Variants in KIAA1549L observed in about 807,000 individuals in gnomAD.
KIAA1549L encodes KIAA1549 like, also known as UPF0606 protein KIAA1549L.
In KIAA1549L, 88 loss-of-function variants were observed where a neutral mutation model predicts 160.7. That is an observed-to-expected ratio of 0.55 (90% CI 0.46 to 0.65). The LOEUF (loss-of-function observed/expected upper bound fraction) is 0.65, where lower values mean the gene tolerates loss of function less well. Among genes scored for constraint, KIAA1549L ranks in the 30% least tolerant of loss-of-function variants. The pLI is 0.00. For synonymous variants in KIAA1549L, 950 were observed against 976.7 expected, an observed-to-expected ratio of 0.97 and a Z score of 0.51; for missense variants, 2,258 against 2,437.5, an observed-to-expected ratio of 0.93 and a Z score of 1.55.
Position 33,376,834 on chromosome 11 carries a change from G to C in KIAA1549L, c.183G>C (p.Leu61=), listed in dbSNP as rs1849963719. Residue 61 remains leucine, a synonymous_variant, in exon 1 of 21, where the codon CTG becomes CTC. Coordinates refer to ENST00000658780, the MANE Select transcript of KIAA1549L (RefSeq NM_012194.3). The surrounding 1 kb of genome is among the most constrained non-coding windows in gnomAD (Gnocchi z 5.8). ...SHDAPPRPPT[L]LLGLLLLAAL... ...ATGCGCCCCCGCGGCCACCGACGCT[G>C]CTGCTGGGACTTCTGCTGCTGGCGG... 1 of 152,308 alleles carries C rather than the reference G, an allele frequency of 6.6e-6. No individual in the cohort carries two copies. The highest frequency in any genetic ancestry group is 2.4e-5 in the African/African-American group (1 of 41,452). 9.4% of individuals were successfully genotyped at this position (152,308 alleles called of 1,614,324 possible). A position where few individuals can be genotyped will look rare whatever the true frequency, so the allele number is the denominator to read the frequency against.
intron 17 of KIAA1549L, among the ~76,000 whole-genome samples, chr11:33,648,476 T>C (rs956207315): frequency 3.3e-5 from 5 of 150,262 alleles, no homozygotes; most frequent in African/African-American, 1.2e-4. Flanking sequence ...TGGAAATCCA[T>C]AGAAAAGGTG....
chr11:33,582,613 C>G (rs1411045123), intron 10 of KIAA1549L, among the ~76,000 whole-genome samples: 1 of 152,114 alleles, frequency 6.6e-6, no homozygotes, highest in African/African-American at 2.4e-5. Context: ...ATGTATACAC[C>G]CATGTAACCC....
intron 1 of KIAA1549L, among the ~76,000 whole-genome samples, chr11:33,426,879 G>T (rs1388824956): frequency 6.6e-6 from 1 of 152,074 alleles, no homozygotes; most frequent in Non-Finnish European, 1.5e-5. Flanking sequence ...TTATATCTGT[G>T]CTTGATAGAA....
At chr11:33,480,044 TTGTGTG>T (rs368086773) in intron 1 of KIAA1549L, among the ~76,000 whole-genome samples, 2 of 150,090 alleles carry the variant, frequency 1.3e-5, no homozygotes, top group East Asian at 1.9e-4. Context: ...ATATTAATGA[TTGTGTG>T]TGTGTGTGTG....
rs755076995 is a variant in KIAA1549L at position 33,591,429 on chromosome 11, C to T, written c.4751+8C>T. ...CACTGAAACCAGGAAGAGGTAGGCACGGGGCTGACTTCTGCCTCTCTGTGT... is the reference window on the plus strand; with the variant it reads ...CACTGAAACCAGGAAGAGGTAGGCATGGGGCTGACTTCTGCCTCTCTGTGT... On this transcript the variant is annotated splice_region_variant and intron_variant, in intron 12 of 20. Coordinates refer to ENST00000658780, the MANE Select transcript of KIAA1549L (RefSeq NM_012194.3). The T allele has an allele frequency of 3.1e-5, 50 of 1,592,682 alleles. No individual in the cohort carries two copies. The highest frequency in any genetic ancestry group is 1.7e-4 in the Middle Eastern group (1 of 6,014).
intron 4 of KIAA1549L, among the ~76,000 whole-genome samples, chr11:33,549,148 T>C (rs1448271596): frequency 8.0e-6 from 1 of 124,332 alleles, no homozygotes; most frequent in Non-Finnish European, 1.6e-5. Context: ...ACAATGAGTA[T>C]TTTTTTTTTT....
chr11:33,403,292 C>CACATGCAGACAG (rs1565121789), intron 1 of KIAA1549L: 1 of 2,570 alleles, frequency 3.9e-4, no homozygotes, highest in Non-Finnish European at 7.8e-4. Context: ...GACACACACA[C>CACATGCAGACAG]ACACACACGC....
rs372220584 is a variant in KIAA1549L at position 33,542,136 on chromosome 11, C to T, written c.573C>T (p.Ala191=). Residue 191 remains alanine (A), a synonymous_variant, in exon 2 of 21, where the codon GCC becomes GCT. Coordinates refer to ENST00000658780, the MANE Select transcript of KIAA1549L (RefSeq NM_012194.3). Reference sequence around the variant, plus strand: ...GGCCTAAAGGGGGACAAGAAGCAGCCGATGTGTCAGGTTTGCCTCTCACCA... The same window carrying T: ...GGCCTAAAGGGGGACAAGAAGCAGCTGATGTGTCAGGTTTGCCTCTCACCA... The part of the protein sequence containing the change: ...QPGPKGGQEA[A]DVSGLPLTSM... 11 of 551,698 alleles carry T rather than the reference C, an allele frequency of 2.0e-5. No individual in the cohort carries two copies. The highest frequency in any genetic ancestry group is 1.3e-4 in the East Asian group (3 of 22,542). The allele number at this position is 551,698 out of a possible 1,614,324, so 34.2% of individuals were successfully genotyped here. A position where few individuals can be genotyped will look rare whatever the true frequency, so the allele number is the denominator to read the frequency against.
intron 1 of KIAA1549L, among the ~76,000 whole-genome samples, chr11:33,488,167 T>C (rs948883493): frequency 6.6e-6 from 1 of 152,218 alleles, no homozygotes; most frequent in African/African-American, 2.4e-5. Context: ...GCTGATTGGC[T>C]CTTGCATTAG....
intron 15 of KIAA1549L, among the ~76,000 whole-genome samples, chr11:33,612,599 G>T (rs957748866): frequency 2.8e-5 from 4 of 143,166 alleles, no homozygotes; most frequent in Non-Finnish European, 4.6e-5. Context: ...AGACTGGGTA[G>T]TTTTTTTTTT....
chr11:33,529,385 A>G (rs567306496), intron 1 of KIAA1549L, among the ~76,000 whole-genome samples: 2 of 152,332 alleles, frequency 1.3e-5, no homozygotes, highest in South Asian at 2.1e-4. Context: ...GCAACTCAGA[A>G]ACGTCTTAAT....
chr11:33,395,889 G>A (rs1169747459), intron 1 of KIAA1549L, among the ~76,000 whole-genome samples: 1 of 152,092 alleles, frequency 6.6e-6, no homozygotes, highest in East Asian at 1.9e-4. Context: ...GAGGGCAGAA[G>A]GTCCAATAGT....
intron 1 of KIAA1549L, among the ~76,000 whole-genome samples, chr11:33,379,919 T>C (rs1850039957): frequency 6.6e-6 from 1 of 152,182 alleles, no homozygotes; most frequent in Non-Finnish European, 1.5e-5. Flanking sequence ...CGAGGCAGTT[T>C]GTAGAAGCTC....
rs768134400 is a variant in KIAA1549L at position 33,543,707 on chromosome 11, G to T, written c.2144G>T (p.Gly715Val). Residue 715 changes from glycine to valine, a missense_variant, in exon 2 of 21, where the codon GGC (glycine) becomes GTC (valine). Gly to Val is a moderately radical substitution (Grantham distance 109). Transcript: ENST00000658780. ...CTTTCCACAGAATCAATAATATCTG[G>T]CTTGCAGCAGCAAACAAATTATGAT... ...GSLSTESIIS[G>V]LQQQTNYDLN... 1.2e-6 allele frequency: 2 copies of T among 1,613,930 alleles called. No individual in the cohort carries two copies. Among genetic ancestry groups the T allele is most frequent in the Non-Finnish European group, 1.7e-6 (2 of 1,179,890 alleles).
intron 1 of KIAA1549L, among the ~76,000 whole-genome samples, chr11:33,539,718 T>C (rs564497845): frequency 2.9e-4 from 44 of 152,332 alleles, no homozygotes; most frequent in African/African-American, 1.0e-3. Flanking sequence ...AGCACTTAAA[T>C]GTTCTAGCCC....
chr11:33,437,046 C>T lies in KIAA1549L; in HGVS notation c.238+60157C>T, dbSNP rs142682712. Among the ~76,000 whole-genome samples, 367 of 152,268 alleles carry T rather than the reference C, an allele frequency of 2.4e-3. 2 individuals are homozygous for T. The highest frequency in any genetic ancestry group is 8.4e-3 in the African/African-American group (351 of 41,554). On this transcript the variant is annotated intron_variant, in intron 1 of 20. Coordinates refer to ENST00000658780, the MANE Select transcript of KIAA1549L (RefSeq NM_012194.3). ...GAATTATTTACTTAAGTACTCTATGCGGTAGTTATAGCTGTCTCATCTTGT... is the reference window on the plus strand; with the variant it reads ...GAATTATTTACTTAAGTACTCTATGTGGTAGTTATAGCTGTCTCATCTTGT...
At chr11:33,402,816 CCT>C (rs1565121400) in intron 1 of KIAA1549L, among the ~76,000 whole-genome samples, 2 of 151,046 alleles carry the variant, frequency 1.3e-5, no homozygotes, top group African/African-American at 5.0e-5. Context: ...TGCCACCCCC[CCT>C]AGCTTCCGAA....
intron 12 of KIAA1549L, among the ~76,000 whole-genome samples, chr11:33,594,131 T>C (rs1379955235): frequency 6.6e-6 from 1 of 152,098 alleles, no homozygotes; most frequent in Non-Finnish European, 1.5e-5. Flanking sequence ...ATTACCCACA[T>C]TTTGTACTGG....
intron 20 of KIAA1549L, among the ~76,000 whole-genome samples, chr11:33,661,969 AT>A (rs1305098477): frequency 1.3e-5 from 2 of 151,800 alleles, no homozygotes; most frequent in Non-Finnish European, 2.9e-5. Flanking sequence ...TACCCCTTTA[AT>A]TTCCAAAACA....
Sources: allele counts gnomAD v4.1 joint callset (sites outside exome capture counted in the v4.1 genomes callset), GRCh38; gene constraint gnomAD v4.1.1; non-coding constraint Gnocchi (gnomAD v3.1); transcripts MANE v1.5; gene names NCBI Gene and HGNC (gene_info 2026-07-23, HGNC 2026-07-21).